GRM4: variants seen among roughly 807,000 people sequenced by gnomAD.
The protein encoded by GRM4 is glutamate metabotropic receptor 4.
GRM4 carries 28 observed loss-of-function variants against 81.7 expected under a neutral mutation model. The ratio of observed to expected loss-of-function variants is 0.34; its 90% CI spans 0.25 to 0.47. GRM4 has a LOEUF of 0.47. Ranked by LOEUF, GRM4 falls within the 20% of genes least tolerant of loss-of-function variation. The pLI, the probability that GRM4 is intolerant of heterozygous loss-of-function variation, is 1.00. For missense variants in GRM4, 948 were observed against 1,290.0 expected, an observed-to-expected ratio of 0.73 and a Z score of 4.06; for synonymous variants, 488 against 528.8, an observed-to-expected ratio of 0.92 and a Z score of 1.06.
In GRM4 at chr6:34,059,109, G is replaced by A. The variant is rs761954130; in HGVS notation, c.892C>T (p.Arg298Ter). ...AAATGGCCTGTCTGGTTGGCCCTTC[G>A]TGCTGCCTCCAGCACACGCCTGTAG... ...DDIRRVLEAA[R>*]RANQTGHFFW... Residue 298 changes from arginine (R) to a stop codon, truncating the protein, a stop_gained, in exon 5 of 11, where the codon CGA becomes TGA. Coordinates refer to ENST00000538487, the MANE Select transcript of GRM4 (RefSeq NM_000841.4). LOFTEE classifies it high-confidence loss of function. This position sits in a 1 kb window ranked among gnomAD's most constrained non-coding sequence, Gnocchi z 5.7. The A allele has an allele frequency of 6.8e-6, 11 of 1,613,624 alleles. No individual in the cohort carries two copies. Among genetic ancestry groups the A allele is most frequent in the South Asian group, 2.2e-5 (2 of 91,056 alleles).
intron 3 of GRM4, 95 bp downstream of exon 3, chr6:34,091,788 G>A: frequency 1.1e-6 from 1 of 891,792 alleles, no homozygotes; most frequent in South Asian, 1.5e-5. Flanking sequence ...GTCAGAGCCT[G>A]TATCAGGCCC....
At chr6:34,139,024 G>A (rs1359503352) in intron 1 of GRM4, among the ~76,000 whole-genome samples, 2 of 152,234 alleles carry the variant, frequency 1.3e-5, no homozygotes, top group African/African-American at 4.8e-5. Flanking sequence ...GCCAGCTGGG[G>A]CTTTATTCTG....
Position 34,105,770 on chromosome 6 carries a change from G to T in GRM4, c.520-13671C>A, listed in dbSNP as rs116054836. ...CGCAAATTCAGCAGGTTCAAAGTCC[G>T]TCCCCGCCAGGTAACTGCTACTCTG... On this transcript the variant is annotated intron_variant, in intron 2 of 10. Transcript: ENST00000538487. 2.0e-5 allele frequency among the ~76,000 whole-genome samples: 3 copies of T among 152,272 alleles called. 1 individual carries two copies. The highest frequency in any genetic ancestry group is 6.8e-3 in the Middle Eastern group (2 of 294).
At chr6:34,126,409 G>A (rs2451335) in intron 2 of GRM4, among the ~76,000 whole-genome samples, 3 of 151,866 alleles carry the variant, frequency 2.0e-5, no homozygotes, top group Non-Finnish European at 2.9e-5. Context: ...CCCTCGTTCA[G>A]CCCCCACCCC....
In GRM4 at chr6:34,136,563, GACACACACACACAC is replaced by G. The variant is rs10635207; in HGVS notation, c.-363-2718_-363-2705del. On this transcript the variant is annotated intron_variant, in intron 1 of 10. Transcript: ENST00000538487. The surrounding 1 kb of genome is among the most constrained non-coding windows in gnomAD (Gnocchi z 4.1). ...GCTGAGCAGTGCATGCGCGCGTGCG[GACACACACACACAC>G]ACACACACACACACACACACACACA... Among the ~76,000 whole-genome samples, 14 of 142,426 alleles carry G rather than the reference GACACACACACACAC, an allele frequency of 9.8e-5. No individual in the cohort carries two copies. In the South Asian group the frequency reaches 1.2e-3, roughly 12 times the overall value. 93.4% of individuals were successfully genotyped at this position (142,426 alleles called of 152,430 possible).
chr6:34,040,780 G>T, intron 6 of GRM4, 32 bp from the exon 7 acceptor site: 1 of 1,569,466 alleles, frequency 6.4e-7, no homozygotes, highest in Non-Finnish European at 8.7e-7. Flanking sequence ...AGGGACACTC[G>T]TGAGGCCCAC....
At chr6:34,151,987 C>G (rs1231245211) in intron 1 of GRM4, among the ~76,000 whole-genome samples, 1 of 152,020 alleles carries the variant, frequency 6.6e-6, no homozygotes, top group Non-Finnish European at 1.5e-5. Context: ...GGGCCAGGGA[C>G]CTCACGACTG....
chr6:34,124,085 G>A (rs1013611679), intron 2 of GRM4, among the ~76,000 whole-genome samples: 4 of 152,152 alleles, frequency 2.6e-5, no homozygotes, highest in African/African-American at 9.7e-5. Flanking sequence ...GAGGAAACAG[G>A]GGTCCCAAGA....
intron 2 of GRM4, among the ~76,000 whole-genome samples, chr6:34,110,131 C>CA (rs763020286): frequency 2.8e-4 from 43 of 152,172 alleles, no homozygotes; most frequent in Non-Finnish European, 5.4e-4. Flanking sequence ...ACTGTCTCTA[C>CA]AAAAAATTTA....
At position 34,059,466 on chromosome 6, in the gene GRM4, C is replaced by G; in HGVS notation, c.873-338G>C. 3 of 361,684 alleles carry G rather than the reference C, an allele frequency of 8.3e-6. No individual in the cohort carries two copies. The highest frequency in any genetic ancestry group is 1.0e-5 in the Non-Finnish European group (2 of 191,682). The allele number at this position is 361,684 out of a possible 1,614,324, so 22.4% of individuals were successfully genotyped here. ...CGCCCCACGTCTGACTCAGGCCCCA[C>G]AACCACCTCTGCCCAGCCCCGGTCC... On this transcript the variant is annotated intron_variant, in intron 4 of 10. Transcript: ENST00000538487. This position sits in a 1 kb window ranked among gnomAD's most constrained non-coding sequence, Gnocchi z 5.7.
chr6:34,086,621 AC>A (rs1767902950), intron 3 of GRM4, among the ~76,000 whole-genome samples: 1 of 152,116 alleles, frequency 6.6e-6, no homozygotes, highest in African/African-American at 2.4e-5. Context: ...CTCTCAGGTG[AC>A]CCCGTGGATA....
At chr6:34,132,952 C>T in intron 2 of GRM4, 26 bp downstream of exon 2, 1 of 1,560,148 alleles carries the variant, frequency 6.4e-7, no homozygotes, top group South Asian at 1.2e-5. Context: ...GGAAGAGCAC[C>T]TCAGGGGACC....
intron 1 of GRM4, among the ~76,000 whole-genome samples, chr6:34,143,102 C>T (rs1188772144): frequency 3.3e-5 from 5 of 152,136 alleles, no homozygotes; most frequent in East Asian, 1.9e-4. Flanking sequence ...GGCTAAGGTG[C>T]GGGGTGTGGG....
chr6:34,137,637 G>A (rs906249899), intron 1 of GRM4, among the ~76,000 whole-genome samples: 3 of 151,604 alleles, frequency 2.0e-5, no homozygotes, highest in Non-Finnish European at 4.4e-5. Context: ...AGGCTGGAGT[G>A]CAGTGGTGCA....
Position 34,111,388 on chromosome 6 carries a change from GCACACA to G in GRM4, c.520-19295_520-19290del, listed in dbSNP as rs143737236. Among the ~76,000 whole-genome samples, 14 of 133,898 alleles carry G rather than the reference GCACACA, an allele frequency of 1.0e-4. No homozygotes were observed. Among genetic ancestry groups the G allele is most frequent in the East Asian group, 4.3e-4 (2 of 4,598 alleles). 87.8% of individuals were successfully genotyped at this position (133,898 alleles called of 152,430 possible). ...CTTGGTGGTAAGTACAACCAACCGTGCACACACACACACACACACACACAAACACAC... is the reference window on the plus strand; with the variant it reads ...CTTGGTGGTAAGTACAACCAACCGTGCACACACACACACACACAAACACAC... On this transcript the variant is annotated intron_variant, in intron 2 of 10. Transcript: ENST00000538487. The surrounding 1 kb of genome is among the most constrained non-coding windows in gnomAD (Gnocchi z 5.1).
At chr6:34,029,134 C>T (rs1382981884) in intron 9 of GRM4, among the ~76,000 whole-genome samples, 3 of 152,334 alleles carry the variant, frequency 2.0e-5, no homozygotes, top group Non-Finnish European at 4.4e-5. Flanking sequence ...TCCCTTCCTT[C>T]GGGTCCTCCA....
At chr6:34,024,274 G>A in intron 10 of GRM4, 1 of 198,834 alleles carries the variant, frequency 5.0e-6, no homozygotes, top group Admixed American at 5.2e-5. Flanking sequence ...CAGCTCCCAT[G>A]TCATTCAATT....
intron 1 of GRM4, among the ~76,000 whole-genome samples, chr6:34,134,861 G>T (rs9469719): frequency 3.3e-5 from 5 of 152,180 alleles, no homozygotes; most frequent in Admixed American, 3.3e-4. Context: ...GAGAACACCA[G>T]CCCTTCCTCA....
At chr6:34,099,544 AG>A (rs1456721253) in intron 2 of GRM4, among the ~76,000 whole-genome samples, 1 of 152,096 alleles carries the variant, frequency 6.6e-6, no homozygotes, top group Non-Finnish European at 1.5e-5. Context: ...CAGAGGGAGC[AG>A]GGTGGGGCCA....
Sources: gnomAD v4.1 joint callset for allele counts (sites outside exome capture counted in the v4.1 genomes callset) on GRCh38, gnomAD v4.1.1 for gene constraint, Gnocchi (gnomAD v3.1) non-coding constraint, MANE v1.5 for transcripts, NCBI Gene and HGNC (gene_info 2026-07-23, HGNC 2026-07-21) for gene names.